ENTREP2: variants seen among roughly 807,000 people sequenced by gnomAD.
ENTREP2 encodes the protein endosomal transmembrane epsin interactor 2, also known as protein ENTREP2.
the ENTREP2 span, chr15:29,118,117 A>G: frequency 2.6e-5 from 4 of 152,764 alleles, no homozygotes; most frequent in Non-Finnish European, 5.9e-5. Flanking sequence ...TTAGCGATCC[A>G]TGTAATCTGA....
chr15:29,130,393 T>C, the ENTREP2 span, among the ~76,000 whole-genome samples: 1 of 152,164 alleles, frequency 6.6e-6, no homozygotes, highest in Non-Finnish European at 1.5e-5. Context: ...TCCAGAACCT[T>C]CCACTGAATC....
chr15:29,655,562 A>G, the ENTREP2 span, among the ~76,000 whole-genome samples: 1 of 152,252 alleles, frequency 6.6e-6, no homozygotes, highest in Non-Finnish European at 1.5e-5. Context: ...CCAGACTTAG[A>G]TATCACTGGA....
At chr15:29,461,675 A>C in the ENTREP2 span, among the ~76,000 whole-genome samples, 1 of 151,910 alleles carries the variant, frequency 6.6e-6, no homozygotes, top group Admixed American at 6.6e-5. Flanking sequence ...GGGTTTCACT[A>C]TCTTGGCCCT....
At chr15:29,132,010 G>A in the ENTREP2 span, among the ~76,000 whole-genome samples, 1 of 146,760 alleles carries the variant, frequency 6.8e-6, no homozygotes, top group Non-Finnish European at 1.5e-5. Flanking sequence ...CCACCCTCGT[G>A]GAGGCCGCCC....
the ENTREP2 span, among the ~76,000 whole-genome samples, chr15:29,201,083 A>G: frequency 1.5e-4 from 23 of 152,214 alleles, no homozygotes; most frequent in African/African-American, 4.3e-4. Context: ...AAGAAATACA[A>G]TTGAATTTTG....
chr15:29,135,901 C>T, the ENTREP2 span, among the ~76,000 whole-genome samples: 4 of 150,896 alleles, frequency 2.7e-5, no homozygotes, highest in African/African-American at 9.7e-5. The surrounding 1 kb of genome is among the most constrained non-coding windows in gnomAD (Gnocchi z 7.4). Context: ...GGCCGGGGCG[C>T]CCTGGGTACT....
chr15:29,628,996 C>T, the ENTREP2 span, among the ~76,000 whole-genome samples: 9 of 152,090 alleles, frequency 5.9e-5, no homozygotes, highest in South Asian at 6.2e-4. Context: ...GTGCTCTACC[C>T]GCCTCGGCCT....
the ENTREP2 span, among the ~76,000 whole-genome samples, chr15:29,296,018 A>G: frequency 6.6e-6 from 1 of 152,196 alleles, no homozygotes; most frequent in Non-Finnish European, 1.5e-5. Context: ...GAAGGCCTCA[A>G]GGGAACAAGA....
chr15:29,225,446 T>A, the ENTREP2 span, among the ~76,000 whole-genome samples: 1,179 of 152,322 alleles, frequency 7.7e-3, 15 homozygotes, highest in Middle Eastern at 0.014. Context: ...ACCTTGAAGA[T>A]CTTGTTGCAT....
At chr15:29,472,472 C>CAT in the ENTREP2 span, among the ~76,000 whole-genome samples, 36 of 120,686 alleles carry the variant, frequency 3.0e-4, no homozygotes, top group African/African-American at 1.2e-3. Flanking sequence ...CACACACACA[C>CAT]ATATAAATTT....
chr15:29,532,049 C>T, the ENTREP2 span, among the ~76,000 whole-genome samples: 1 of 152,180 alleles, frequency 6.6e-6, no homozygotes, highest in African/African-American at 2.4e-5. Context: ...ATCTACTCAG[C>T]AATTTTCAAG....
chr15:29,587,977 TA>T, the ENTREP2 span, among the ~76,000 whole-genome samples: 3 of 152,176 alleles, frequency 2.0e-5, no homozygotes, highest in Non-Finnish European at 4.4e-5. Context: ...CTTTTTGTAA[TA>T]ATACTGCAAA....
the ENTREP2 span, among the ~76,000 whole-genome samples, chr15:29,459,991 A>T: frequency 2.6e-5 from 4 of 152,208 alleles, no homozygotes; most frequent in Non-Finnish European, 5.9e-5. Flanking sequence ...TTACACCTGA[A>T]ATCCTAGCAT....
chr15:29,218,195 G>A, the ENTREP2 span, among the ~76,000 whole-genome samples: 2 of 152,266 alleles, frequency 1.3e-5, no homozygotes, highest in African/African-American at 4.8e-5. Flanking sequence ...AGCTTTGGTG[G>A]TTTAATGCTC....
the ENTREP2 span, among the ~76,000 whole-genome samples, chr15:29,300,262 G>A: frequency 1.4e-5 from 2 of 147,230 alleles, no homozygotes; most frequent in African/African-American, 5.0e-5. Flanking sequence ...ATGGATGGAC[G>A]GATGAATGGG....
chr15:29,624,867 TAA>T, the ENTREP2 span, among the ~76,000 whole-genome samples: 4 of 137,560 alleles, frequency 2.9e-5, no homozygotes, highest in Admixed American at 1.4e-4. Flanking sequence ...TACCCTGCAT[TAA>T]TTTGTGTGTG....
At chr15:29,318,333 T>A in the ENTREP2 span, among the ~76,000 whole-genome samples, 1 of 152,088 alleles carries the variant, frequency 6.6e-6, no homozygotes, top group Non-Finnish European at 1.5e-5. Flanking sequence ...TTGTTTTTTG[T>A]TTTTTGAGAC....
chr15:29,280,701 T>C, the ENTREP2 span, among the ~76,000 whole-genome samples: 1 of 152,232 alleles, frequency 6.6e-6, no homozygotes, highest in Non-Finnish European at 1.5e-5. Flanking sequence ...ATGTCTCAGC[T>C]GGCGTGGCTG....
At chr15:29,504,062 TTAACTCTCCTTGGCCCTACTAGGAG>T in the ENTREP2 span, among the ~76,000 whole-genome samples, 2 of 152,330 alleles carry the variant, frequency 1.3e-5, no homozygotes, top group East Asian at 3.9e-4. Context: ...TAGACGAATG[TTAACTCTCCTTGGCCCTACTAGGAG>T]TACAGATTGA....
Sources: allele counts gnomAD v4.1 joint callset (sites outside exome capture counted in the v4.1 genomes callset), GRCh38; gene constraint gnomAD v4.1.1; non-coding constraint Gnocchi (gnomAD v3.1); transcripts MANE v1.5; gene names NCBI Gene and HGNC (gene_info 2026-07-23, HGNC 2026-07-21).